The following KIF11 variants were observed in gnomAD, a reference collection of about 807,000 sequenced individuals.
The protein encoded by KIF11 is kinesin-like protein KIF11.
In KIF11, 9 loss-of-function variants were observed where a neutral mutation model predicts 121.0. The observed-to-expected ratio is 0.07, with a 90% CI of 0.04 to 0.13. KIF11 has a LOEUF of 0.13. Among genes scored for constraint, KIF11 ranks in the 10% least tolerant of loss-of-function variants. The probability of loss-of-function intolerance (pLI) is 1.00; values close to 1 mark genes in which losing one functional copy is unlikely to be tolerated. For synonymous variants in KIF11, 408 were observed against 421.0 expected (o/e 0.97, Z 0.38); for missense variants, 846 against 1,217.5 (o/e 0.69, Z 4.54).
rs1443445975 is a variant in KIF11 at position 92,612,272 on chromosome 10, A to T, written c.699-768A>T. On this transcript the variant is annotated intron_variant, in intron 6 of 21. Coordinates refer to ENST00000260731, the MANE Select transcript of KIF11 (RefSeq NM_004523.4). ...CACCTGAGCCTCCAGGGTAGCTGGAACTGTAGGAGCGTGCCACCACGCCCA... is the reference window on the plus strand; with the variant it reads ...CACCTGAGCCTCCAGGGTAGCTGGATCTGTAGGAGCGTGCCACCACGCCCA... Among the ~76,000 whole-genome samples, 5 of 152,100 alleles carry T rather than the reference A, an allele frequency of 3.3e-5. No individual in the cohort carries two copies. In the East Asian group the frequency reaches 9.6e-4, roughly 29 times the overall value.
chr10:92,616,521 C>A (rs1406959805), intron 8 of KIF11, among the ~76,000 whole-genome samples: 1 of 151,908 alleles, frequency 6.6e-6, no homozygotes, highest in Non-Finnish European at 1.5e-5. Context: ...AGGAAATTAT[C>A]CTAAGGGTCG....
intron 1 of KIF11, among the ~76,000 whole-genome samples, chr10:92,599,099 C>A (rs563523734): frequency 6.6e-6 from 1 of 151,248 alleles, no homozygotes; most frequent in East Asian, 1.9e-4. Flanking sequence ...TTATAGTTTT[C>A]ATTTTATAAG....
At position 92,606,392 on chromosome 10, in the gene KIF11, G is replaced by A. The variant is rs796052144; in HGVS notation, c.205G>A (p.Asp69Asn). 6.2e-7 allele frequency: 1 copy of A among 1,602,174 alleles called. No homozygotes were observed. The highest frequency in any genetic ancestry group is 8.5e-7 in the Non-Finnish European group (1 of 1,176,852). ...DKSSRKTYTF[D>N]MVFGASTKQI... ...GAGCTCAAGGAAAACATACACTTTT[G>A]ATATGGTAACATATGGTGCAATTTC... Residue 69 changes from aspartate (D) to asparagine (N), a missense_variant, in exon 2 of 22, where the codon GAT becomes AAT. Physicochemically the swap from Asp to Asn is conservative, Grantham distance 23. Transcript: ENST00000260731.
Position 92,616,215 on chromosome 10 carries a change from G to GTT in KIF11, c.1033-511_1033-510dup, listed in dbSNP as rs1267863572. ...TTTTTTTGTTTTGTTTTGTTTTTTT[G>GTT]TTTTTTTTTTTTGAGACAAGGTCCC... is the stretch of plus-strand genomic sequence containing the variant. On this transcript the variant is annotated intron_variant, in intron 8 of 21. Transcript: ENST00000260731. Among the ~76,000 whole-genome samples the GTT allele has an allele frequency of 2.1e-4, 30 of 140,274 alleles. No homozygotes were observed. In the East Asian group the frequency reaches 5.4e-3, roughly 25 times the overall value. The allele number at this position is 140,274 out of a possible 152,430, so 92.0% of individuals were successfully genotyped here. A position where few individuals can be genotyped will look rare whatever the true frequency, so the allele number is the denominator to read the frequency against.
At chr10:92,650,167 A>G (rs1473703351) in intron 20 of KIF11, among the ~76,000 whole-genome samples, 181 bp downstream of exon 20, 1 of 152,208 alleles carries the variant, frequency 6.6e-6, no homozygotes, top group East Asian at 1.9e-4. Flanking sequence ...GCTAGTAGAT[A>G]ATAATAGCCA....
chr10:92,649,402 C>G (rs1475616580), intron 19 of KIF11, among the ~76,000 whole-genome samples: 1 of 152,078 alleles, frequency 6.6e-6, no homozygotes, highest in Non-Finnish European at 1.5e-5. Flanking sequence ...GGGTTCAAGA[C>G]CAGCCTGGGC....
intron 18 of KIF11, among the ~76,000 whole-genome samples, chr10:92,646,728 C>T (rs556189161): frequency 2.0e-5 from 3 of 152,194 alleles, no homozygotes; most frequent in South Asian, 2.1e-4. Flanking sequence ...TTAAAACTTA[C>T]GAACTCATAA....
At chr10:92,652,163 G>A (rs981316282) in intron 21 of KIF11, among the ~76,000 whole-genome samples, 1 of 151,272 alleles carries the variant, frequency 6.6e-6, no homozygotes, top group African/African-American at 2.4e-5. Flanking sequence ...TTTTTGAGAC[G>A]GAGTTTTGCT....
At chr10:92,595,751 C>A (rs1828420560) in intron 1 of KIF11, among the ~76,000 whole-genome samples, 1 of 152,084 alleles carries the variant, frequency 6.6e-6, no homozygotes, top group South Asian at 2.1e-4. Flanking sequence ...TCCCATCAAC[C>A]CGACACCTAC....
At chr10:92,618,195 T>C (rs1182997312) in intron 9 of KIF11, among the ~76,000 whole-genome samples, 1 of 152,170 alleles carries the variant, frequency 6.6e-6, no homozygotes, top group African/African-American at 2.4e-5. Flanking sequence ...AAGGAGTTCA[T>C]GTAGTCTAGA....
At chr10:92,646,256 T>G (rs957661269) in intron 18 of KIF11, among the ~76,000 whole-genome samples, 1 of 152,096 alleles carries the variant, frequency 6.6e-6, no homozygotes, top group Non-Finnish European at 1.5e-5. Flanking sequence ...CCGGCCTATC[T>G]TTGCTTTTTA....
chr10:92,648,574 A>G (rs1400614710), intron 19 of KIF11, 140 bp downstream of exon 19: 13 of 585,708 alleles, frequency 2.2e-5, no homozygotes, highest in Admixed American at 3.5e-5. Flanking sequence ...TCAAAATGGG[A>G]AAACTGGAAC....
At chr10:92,599,066 C>T (rs1175233492) in intron 1 of KIF11, among the ~76,000 whole-genome samples, 2 of 151,098 alleles carry the variant, frequency 1.3e-5, no homozygotes, top group Non-Finnish European at 2.9e-5. Context: ...GCGTGAGCCA[C>T]TGCGCCTGGC....
At chr10:92,637,578 A>G (rs1564714895) in intron 16 of KIF11, 33 bp downstream of exon 16, 2 of 1,575,686 alleles carry the variant, frequency 1.3e-6, no homozygotes, top group South Asian at 2.4e-5. Flanking sequence ...GGAGTACAGA[A>G]AGAGAGTTTT....
intron 9 of KIF11, among the ~76,000 whole-genome samples, chr10:92,618,364 G>T (rs544214479): frequency 5.9e-5 from 9 of 151,552 alleles, no homozygotes; most frequent in Admixed American, 4.6e-4. Context: ...GAGAAAACAG[G>T]CCAGGCACGG....
At position 92,646,803 on chromosome 10, in the gene KIF11, G is replaced by A. The variant is rs75585152; in HGVS notation, c.2547+1161G>A. Reference sequence around the variant, plus strand: ...ACACATTGTCCTGAAAATGGGTAAAGAAGAAGAAAAAATTTAGCATCCATC... The same window carrying A: ...ACACATTGTCCTGAAAATGGGTAAAAAAGAAGAAAAAATTTAGCATCCATC... On this transcript the variant is annotated intron_variant, in intron 18 of 21. Coordinates refer to ENST00000260731, the MANE Select transcript of KIF11 (RefSeq NM_004523.4). Among the ~76,000 whole-genome samples, 392 of 152,166 alleles carry A rather than the reference G, an allele frequency of 2.6e-3. 1 individual carries two copies. Among genetic ancestry groups the A allele is most frequent in the African/African-American group, 9.0e-3 (375 of 41,560 alleles).
chr10:92,639,990 G>A, intron 17 of KIF11, 90 bp downstream of exon 17: 1 of 643,396 alleles, frequency 1.6e-6, no homozygotes, highest in Non-Finnish European at 2.6e-6. Flanking sequence ...TAATTCCTCT[G>A]TGTACTTTCA....
At chr10:92,619,379 T>TCAATAA (rs1844595033) in intron 9 of KIF11, among the ~76,000 whole-genome samples, 1 of 152,210 alleles carries the variant, frequency 6.6e-6, no homozygotes, top group Admixed American at 6.5e-5. Context: ...ATACAGTTTT[T>TCAATAA]GTAACCATTC....
Position 92,613,331 on chromosome 10 carries a change from C to A in KIF11, c.790-46C>A. 1 of 1,388,958 alleles carries A rather than the reference C, an allele frequency of 7.2e-7. No homozygotes were observed. 86.0% of individuals were successfully genotyped at this position (1,388,958 alleles called of 1,614,324 possible). The stretch of plus-strand genomic sequence containing the variant: ...CCTGTGAGAATGAAAGTCTTTGAAT[C>A]CAAATCCAATAGACTCACTTTTTAT... On this transcript the variant is annotated intron_variant, in intron 7 of 21. Coordinates refer to ENST00000260731, the MANE Select transcript of KIF11 (RefSeq NM_004523.4). This position sits in a 1 kb window ranked among gnomAD's most constrained non-coding sequence, Gnocchi z 4.2.
Sources: allele counts gnomAD v4.1 joint callset (sites outside exome capture counted in the v4.1 genomes callset), GRCh38; gene constraint gnomAD v4.1.1; non-coding constraint Gnocchi (gnomAD v3.1); transcripts MANE v1.5; gene names NCBI Gene and HGNC (gene_info 2026-07-23, HGNC 2026-07-21).